CBFA2T3: variants seen among roughly 807,000 people sequenced by gnomAD.
CBFA2T3 encodes CBFA2/RUNX1 partner transcriptional co-repressor 3.
CBFA2T3 carries 31 observed loss-of-function variants against 58.6 expected under a neutral mutation model. The ratio of observed to expected loss-of-function variants is 0.53; its 90% CI spans 0.40 to 0.71. The LOEUF (loss-of-function observed/expected upper bound fraction) is 0.71. Ranked by LOEUF, CBFA2T3 falls within the 30% of genes least tolerant of loss-of-function variation. The pLI is 0.00. For missense variants in CBFA2T3, 1,076 were observed against 963.1 expected (o/e 1.12, Z -1.55); for synonymous variants, 531 against 421.9 (o/e 1.26, Z -3.17).
intron 1 of CBFA2T3, among the ~76,000 whole-genome samples, chr16:88,975,765 G>C (rs1972843346): frequency 1.3e-5 from 2 of 152,254 alleles, no homozygotes; most frequent in Admixed American, 1.3e-4. Flanking sequence ...GGTGGGAACA[G>C]CCTCAGGCAG....
rs181716859 is a variant in CBFA2T3, at chr16:88,958,037, G to A, written c.151+18620C>T. ...GCTGCTGGAAAACCACAGTAGACCC[G>A]GAACGAAAGTACCTGTGAGCTGCTC... On this transcript the variant is annotated intron_variant, in intron 1 of 11. Coordinates refer to ENST00000268679, the MANE Select transcript of CBFA2T3 (RefSeq NM_005187.6). This position sits in a 1 kb window ranked among gnomAD's most constrained non-coding sequence, Gnocchi z 4.0. 2.6e-5 allele frequency among the ~76,000 whole-genome samples: 4 copies of A among 152,272 alleles called. No individual in the cohort carries two copies. Among genetic ancestry groups the A allele is most frequent in the East Asian group, 1.9e-4 (1 of 5,178 alleles).
intron 1 of CBFA2T3, among the ~76,000 whole-genome samples, chr16:88,909,697 T>G (rs1028938670): frequency 6.0e-5 from 9 of 150,628 alleles, no homozygotes; most frequent in Non-Finnish European, 1.2e-4. Flanking sequence ...ACCCCGAGAG[T>G]CATCCGTCCA....
intron 1 of CBFA2T3, among the ~76,000 whole-genome samples, chr16:88,947,909 G>A (rs1241157485): frequency 1.3e-5 from 2 of 152,166 alleles, no homozygotes; most frequent in African/African-American, 4.8e-5. Context: ...ACGAGACCCT[G>A]TCTCAAAAAT....
At chr16:88,882,154 C>G (rs998586741) in intron 8 of CBFA2T3, among the ~76,000 whole-genome samples, 2 of 152,212 alleles carry the variant, frequency 1.3e-5, no homozygotes, top group African/African-American at 4.8e-5. Flanking sequence ...GGTGAAGGAC[C>G]CAGCCGCTGC....
At chr16:88,896,391 C>A (rs1274395400) in intron 3 of CBFA2T3, among the ~76,000 whole-genome samples, 2 of 152,218 alleles carry the variant, frequency 1.3e-5, no homozygotes, top group Admixed American at 1.3e-4. Context: ...GATGGACGCA[C>A]CGGCCCTCTG....
rs1181990973 is a variant in CBFA2T3 at position 88,875,322 on chromosome 16, AGAG to A, written c.*1651_*1653del. On this transcript the variant is annotated 3_prime_UTR_variant, in exon 12 of 12. Transcript: ENST00000268679. ...CTTCTTGAAATCGCTGAGGCAGTTG[AGAG>A]GAGTGGAGGGAGGGTGGGCAGGGCT... The A allele has an allele frequency of 1.3e-5, 2 of 149,242 alleles. No homozygotes were observed. Among genetic ancestry groups the A allele is most frequent in the Non-Finnish European group, 1.4e-5 (1 of 70,752 alleles). The allele number at this position is 149,242 out of a possible 1,614,324, so 9.2% of individuals were successfully genotyped here.
chr16:88,910,281 C>T (rs1044854163), intron 1 of CBFA2T3, among the ~76,000 whole-genome samples: 3 of 152,220 alleles, frequency 2.0e-5, no homozygotes, highest in African/African-American at 4.8e-5. Flanking sequence ...GCAGCCCGCG[C>T]GGCCCTTCAC....
chr16:88,886,305 A>T, intron 5 of CBFA2T3, 163 bp from the exon 6 acceptor site: 46 of 294,670 alleles, frequency 1.6e-4, no homozygotes, highest in East Asian at 2.9e-4. Flanking sequence ...CCTTCCTAGC[A>T]GTGCCATGGG....
At chr16:88,929,950 T>C (rs913298481) in intron 1 of CBFA2T3, among the ~76,000 whole-genome samples, 1 of 146,398 alleles carries the variant, frequency 6.8e-6, no homozygotes, top group African/African-American at 2.7e-5. Context: ...AGCTGCATGG[T>C]CCACGTAAAA....
In CBFA2T3 at chr16:88,907,524, C is replaced by T. The variant is rs548672714; in HGVS notation, c.152-5868G>A. Among the ~76,000 whole-genome samples, 5 of 151,376 alleles carry T rather than the reference C, an allele frequency of 3.3e-5. No individual in the cohort carries two copies. In the South Asian group the frequency reaches 6.3e-4, roughly 19 times the overall value. On this transcript the variant is annotated intron_variant, in intron 1 of 11. Transcript: ENST00000268679. ...CCAACTCTGTCCTCACGGATTCTTC[C>T]GCGGCCCTGAGATCCTGCGCTTCTC...
intron 1 of CBFA2T3, among the ~76,000 whole-genome samples, chr16:88,961,842 T>G (rs1972367614): frequency 7.0e-6 from 1 of 142,616 alleles, no homozygotes; most frequent in Non-Finnish European, 1.5e-5. Flanking sequence ...CACTCAGCGC[T>G]GGACATTCCC....
At chr16:88,921,354 C>T (rs1194842361) in intron 1 of CBFA2T3, among the ~76,000 whole-genome samples, 2 of 152,184 alleles carry the variant, frequency 1.3e-5, no homozygotes, top group African/African-American at 2.4e-5. Flanking sequence ...GCAGGGAAGC[C>T]GAGCCGATCC....
intron 1 of CBFA2T3, among the ~76,000 whole-genome samples, chr16:88,952,951 TGTGTCG>T (rs1972117565): frequency 1.4e-5 from 2 of 140,740 alleles, no homozygotes; most frequent in Non-Finnish European, 3.1e-5. Context: ...ACGCAGGGCC[TGTGTCG>T]AGACGGCATG....
intron 1 of CBFA2T3, among the ~76,000 whole-genome samples, chr16:88,917,493 A>AC (rs1970775522): frequency 6.6e-6 from 1 of 152,142 alleles, no homozygotes; most frequent in Admixed American, 6.5e-5. Context: ...ACCCCTGGAA[A>AC]CCTGAGGCCT....
chr16:88,880,369 G>GC (rs1335154170), intron 10 of CBFA2T3, among the ~76,000 whole-genome samples: 18 of 152,286 alleles, frequency 1.2e-4, no homozygotes, highest in Non-Finnish European at 4.4e-5. Flanking sequence ...CTCCACGTCT[G>GC]CCCCTGTTCT....
intron 1 of CBFA2T3, among the ~76,000 whole-genome samples, chr16:88,923,754 G>A (rs571385059): frequency 1.3e-5 from 2 of 152,328 alleles, no homozygotes; most frequent in South Asian, 2.1e-4. Context: ...TTTGGAACTC[G>A]GGCTCTGGGC....
Position 88,898,083 on chromosome 16 carries a change from C to T in CBFA2T3, c.374G>A (p.Cys125Tyr), listed in dbSNP as rs776969429. The change falls in exon 3 of 12, where the codon TGT becomes TAT. Residue 125 changes from cysteine (C) to tyrosine (Y), a missense_variant. Cys to Tyr is a radical substitution (Grantham distance 194, BLOSUM62 -2). Coordinates refer to ENST00000268679, the MANE Select transcript of CBFA2T3 (RefSeq NM_005187.6). ...FHGCLKWSMV[C>Y]LLMNGSSHSP... Reference sequence around the variant, plus strand: ...GTTTTTGTTATTTTACTTACAGAGACAGACCATAGACCATTTTAAGCAGCC... The same window carrying T: ...GTTTTTGTTATTTTACTTACAGAGATAGACCATAGACCATTTTAAGCAGCC... 3.1e-6 allele frequency: 5 copies of T among 1,611,328 alleles called. No individual in the cohort carries two copies. Among genetic ancestry groups the T allele is most frequent in the South Asian group, 1.1e-5 (1 of 91,050 alleles).
rs924131126 is a variant in CBFA2T3 at position 88,879,263 on chromosome 16, G to A, written c.1662+7C>T. The stretch of plus-strand genomic sequence containing the variant: ...GGATGGGTGTCAGCGTGGCCGGGTG[G>A]CCCTACCTCGCTGGAGTCCTCCTGC... On this transcript the variant is annotated splice_region_variant and intron_variant, in intron 11 of 11. Transcript: ENST00000268679. 1 of 1,583,950 alleles carries A rather than the reference G, an allele frequency of 6.3e-7. No individual in the cohort carries two copies. Among genetic ancestry groups the A allele is most frequent in the Non-Finnish European group, 8.6e-7 (1 of 1,162,954 alleles).
chr16:88,875,825 T>C lies in CBFA2T3; in HGVS notation c.*1151A>G. The stretch of plus-strand genomic sequence containing the variant: ...AACTTTAGCACTTTTTTTCCACAAG[T>C]GGAAAACGGAAATATGAAAAGTCAC... On this transcript the variant is annotated 3_prime_UTR_variant, in exon 12 of 12. Transcript: ENST00000268679. The C allele has an allele frequency of 4.3e-6, 1 of 233,352 alleles. No homozygotes were observed. 14.5% of individuals were successfully genotyped at this position (233,352 alleles called of 1,614,324 possible).
Sources: gnomAD v4.1 joint callset for allele counts (sites outside exome capture counted in the v4.1 genomes callset) on GRCh38, gnomAD v4.1.1 for gene constraint, Gnocchi (gnomAD v3.1) non-coding constraint, MANE v1.5 for transcripts, NCBI Gene and HGNC (gene_info 2026-07-23, HGNC 2026-07-21) for gene names.